The following INTS15 variants were observed in gnomAD, a reference collection of about 807,000 sequenced individuals.
The protein encoded by INTS15 is uncharacterized protein C7orf26.
chr7:6,593,017 G>C, the INTS15 span, among the ~76,000 whole-genome samples: 2 of 152,174 alleles, frequency 1.3e-5, no homozygotes, highest in Admixed American at 1.3e-4. Context: ...GATAGCAGCT[G>C]TTAATTTTTA....
At chr7:6,600,126 G>C in the INTS15 span, 1 of 1,614,190 alleles carries the variant, frequency 6.2e-7, no homozygotes, top group South Asian at 1.1e-5. Context: ...CTCCACCTCA[G>C]CGTCCTGCAA....
the INTS15 span, chr7:6,608,266 C>G: frequency 6.8e-7 from 1 of 1,477,816 alleles, no homozygotes; most frequent in South Asian, 1.3e-5. Flanking sequence ...GTCGGGCAGC[C>G]CCTCCCCGCC....
chr7:6,590,217 G>C, the INTS15 span: 1 of 1,329,936 alleles, frequency 7.5e-7, no homozygotes, highest in East Asian at 3.1e-5. Flanking sequence ...TCCACGGGTA[G>C]CGGCGCAGTC....
the INTS15 span, chr7:6,590,457 G>A: frequency 2.5e-6 from 4 of 1,592,272 alleles, no homozygotes; most frequent in Middle Eastern, 5.4e-4. Flanking sequence ...TGCCCAAGGA[G>A]CGCAGCGCGC....
the INTS15 span, among the ~76,000 whole-genome samples, chr7:6,595,780 T>C: frequency 6.6e-6 from 1 of 152,162 alleles, no homozygotes; most frequent in Non-Finnish European, 1.5e-5. Context: ...ACTCTTAGGC[T>C]CAAGTGATAC....
the INTS15 span, chr7:6,607,985 C>G: frequency 6.2e-7 from 1 of 1,600,220 alleles, no homozygotes; most frequent in Non-Finnish European, 8.5e-7. The surrounding 1 kb of genome is among the most constrained non-coding windows in gnomAD (Gnocchi z 6.0). Context: ...GATCTCGGGT[C>G]CCGTGCAGCA....
At chr7:6,601,846 G>T in the INTS15 span, among the ~76,000 whole-genome samples, 2 of 150,622 alleles carry the variant, frequency 1.3e-5, no homozygotes, top group Non-Finnish European at 3.0e-5. Context: ...TAGTAGAGAT[G>T]GGGTTTCACC....
chr7:6,607,770 A>G, the INTS15 span: 1 of 1,482,984 alleles, frequency 6.7e-7, no homozygotes, highest in Non-Finnish European at 8.9e-7. The surrounding 1 kb of genome is among the most constrained non-coding windows in gnomAD (Gnocchi z 6.0). Context: ...GCCCACTCCC[A>G]CGCATCCTCG....
the INTS15 span, chr7:6,607,706 G>T: frequency 3.9e-6 from 6 of 1,521,352 alleles, no homozygotes; most frequent in Non-Finnish European, 5.3e-6. The surrounding 1 kb of genome is among the most constrained non-coding windows in gnomAD (Gnocchi z 6.0). Context: ...TGTGTGGGCT[G>T]CGCGCCCGGG....
At chr7:6,590,185 G>T in the INTS15 span, 1 of 1,136,694 alleles carries the variant, frequency 8.8e-7, no homozygotes, top group South Asian at 2.0e-5. Context: ...CGCAGCCCAG[G>T]CCCGGGTCGC....
the INTS15 span, among the ~76,000 whole-genome samples, chr7:6,605,608 G>C: frequency 6.6e-6 from 1 of 152,148 alleles, no homozygotes; most frequent in Non-Finnish European, 1.5e-5. Context: ...CGCCTCTCCT[G>C]ACGCAGATTT....
At chr7:6,598,735 TTGTGTGTGTGTGTGTGTG>T in the INTS15 span, among the ~76,000 whole-genome samples, 26 of 83,624 alleles carry the variant, frequency 3.1e-4, no homozygotes, top group South Asian at 1.4e-3. Flanking sequence ...GCTGTATGCT[TTGTGTGTGTGTGTGTGTG>T]TGTGTGTGTG....
chr7:6,602,190 G>C, the INTS15 span: 10 of 1,546,714 alleles, frequency 6.5e-6, no homozygotes, highest in Admixed American at 1.7e-4. Flanking sequence ...GAGCAGGGTG[G>C]AGGGAGGCAA....
the INTS15 span, among the ~76,000 whole-genome samples, chr7:6,591,163 C>T: frequency 6.6e-6 from 1 of 151,958 alleles, no homozygotes; most frequent in Non-Finnish European, 1.5e-5. Flanking sequence ...AGATCAACAG[C>T]AAAGATCTCC....
chr7:6,600,589 G>A, the INTS15 span, among the ~76,000 whole-genome samples: 1 of 152,122 alleles, frequency 6.6e-6, no homozygotes, highest in African/African-American at 2.4e-5. Flanking sequence ...GCCCAGGACT[G>A]GGGACTCCTT....
chr7:6,599,886 A>C, the INTS15 span: 1 of 1,614,062 alleles, frequency 6.2e-7, no homozygotes, highest in Non-Finnish European at 8.5e-7. Context: ...ATTTTTGAGG[A>C]CCCAAGGTTG....
At chr7:6,603,657 G>A in the INTS15 span, among the ~76,000 whole-genome samples, 1 of 151,800 alleles carries the variant, frequency 6.6e-6, no homozygotes, top group Admixed American at 6.6e-5. Flanking sequence ...TGGCCAACAT[G>A]GTGAAACCCC....
the INTS15 span, chr7:6,602,558 G>A: frequency 4.8e-6 from 2 of 414,796 alleles, no homozygotes; most frequent in Non-Finnish European, 1.0e-5. Flanking sequence ...TCTGGGCGCG[G>A]CCCTGTCTGG....
At chr7:6,591,361 G>C in the INTS15 span, among the ~76,000 whole-genome samples, 1 of 151,316 alleles carries the variant, frequency 6.6e-6, no homozygotes, top group African/African-American at 2.4e-5. Flanking sequence ...CCGCCTCCCA[G>C]GTTCAAGCGA....
Sources: allele counts gnomAD v4.1 joint callset (sites outside exome capture counted in the v4.1 genomes callset), GRCh38; gene constraint gnomAD v4.1.1; non-coding constraint Gnocchi (gnomAD v3.1); transcripts MANE v1.5; gene names NCBI Gene and HGNC (gene_info 2026-07-23, HGNC 2026-07-21).